Variants in CLIP4 observed in about 807,000 individuals in gnomAD.
CLIP4 encodes CAP-Gly domain-containing linker protein 4.
Under a neutral mutation model 73.1 loss-of-function variants are expected in CLIP4, and 47 were observed. The ratio of observed to expected loss-of-function variants is 0.64; its 90% CI spans 0.51 to 0.82. CLIP4 has a LOEUF of 0.82. Among genes scored for constraint, CLIP4 ranks in the 40% least tolerant of loss-of-function variants. The pLI, the probability that CLIP4 is intolerant of heterozygous loss-of-function variation, is 0.00. For synonymous variants in CLIP4, 306 were observed against 295.4 expected (o/e 1.04, Z -0.37); for missense variants, 874 against 852.9 (o/e 1.02, Z -0.31).
chr2:29,131,205 T>A, intron 2 of CLIP4, 53 bp from the exon 3 acceptor site: 3 of 1,347,408 alleles, frequency 2.2e-6, no homozygotes, highest in Non-Finnish European at 3.1e-6. Context: ...TTATTTTCAA[T>A]ATATTTATTT....
rs1171556970 is a variant in CLIP4 at position 29,167,559 on chromosome 2, G to A, written c.1723+19G>A. The A allele has an allele frequency of 2.6e-6, 4 of 1,562,094 alleles. No individual in the cohort carries two copies. The highest frequency in any genetic ancestry group is 3.5e-6 in the Non-Finnish European group (4 of 1,151,492). ...TATCCTGGTAAGACTACACAGTTTT[G>A]TGTTCCTAATCAATATTTCTTTGCT... On this transcript the variant is annotated intron_variant, in intron 14 of 15. Transcript: ENST00000320081.
chr2:29,118,224 A>G (rs1443101491), intron 1 of CLIP4: 1 of 152,214 alleles, frequency 6.6e-6, no homozygotes, highest in Non-Finnish European at 1.5e-5. Context: ...TCAAATCTGA[A>G]GTCTCCTGGC....
In CLIP4 at chr2:29,131,412, C is replaced by T. The variant is rs188032968; in HGVS notation, c.273+15C>T. 2,755 of 1,581,490 alleles carry T rather than the reference C, an allele frequency of 1.7e-3. 5 individuals are homozygous for T. The highest frequency in any genetic ancestry group is 2.1e-3 in the Non-Finnish European group (2,412 of 1,169,464). ...TTGGAAATGAGGTAAGGAATTCTTA[C>T]ATTTTAAGTTTTGCATTGTTAGGAT... On this transcript the variant is annotated intron_variant, in intron 3 of 15. Transcript: ENST00000320081.
At chr2:29,133,557 C>A in intron 4 of CLIP4, 98 bp from the exon 5 acceptor site, 2 of 1,085,988 alleles carry the variant, frequency 1.8e-6, no homozygotes, top group East Asian at 2.5e-5. Flanking sequence ...CTATACAGTG[C>A]ACTGTTTGCT....
At chr2:29,131,431 T>C (rs776334545) in intron 3 of CLIP4, 34 bp downstream of exon 3, 2 of 1,569,900 alleles carry the variant, frequency 1.3e-6, no homozygotes, top group South Asian at 2.4e-5. Flanking sequence ...TTTTGCATTG[T>C]TAGGATTGTT....
intron 11 of CLIP4, among the ~76,000 whole-genome samples, chr2:29,158,640 A>G (rs1415479901): frequency 1.3e-5 from 2 of 152,180 alleles, no homozygotes; most frequent in African/African-American, 4.8e-5. Flanking sequence ...CATTTGAGGG[A>G]GATGTAGACT....
At chr2:29,178,913 G>A (rs1668497254) in intron 15 of CLIP4, among the ~76,000 whole-genome samples, 1 of 152,154 alleles carries the variant, frequency 6.6e-6, no homozygotes, top group Admixed American at 6.5e-5. Flanking sequence ...TCATGCCTCA[G>A]CCTCTCGAGT....
rs137880874 is a variant in CLIP4 at position 29,144,747 on chromosome 2, G to A, written c.886-485G>A. Among the ~76,000 whole-genome samples, 651 of 150,476 alleles carry A rather than the reference G, an allele frequency of 4.3e-3. 2 individuals carry two copies. The highest frequency in any genetic ancestry group is 6.6e-3 in the Admixed American group (100 of 15,130). On this transcript the variant is annotated intron_variant, in intron 7 of 15. Transcript: ENST00000320081. ...TAATAGGGAGCTTGGTATGGAGAAT[G>A]GAACAGGGAATTCCTGCTTGGATAT...
intron 6 of CLIP4, among the ~76,000 whole-genome samples, chr2:29,136,510 C>A (rs981385164): frequency 6.6e-6 from 1 of 151,954 alleles, no homozygotes; most frequent in Non-Finnish European, 1.5e-5. Context: ...TAGATAAAGC[C>A]CTTGCCCTCA....
At chr2:29,143,087 C>A (rs1665885090) in intron 6 of CLIP4, among the ~76,000 whole-genome samples, 1 of 152,224 alleles carries the variant, frequency 6.6e-6, no homozygotes, top group South Asian at 2.1e-4. Context: ...GGGCAGGGGG[C>A]TGAGGTCACA....
intron 2 of CLIP4, among the ~76,000 whole-genome samples, chr2:29,126,757 A>G (rs1265616900): frequency 6.6e-6 from 1 of 152,220 alleles, no homozygotes; most frequent in East Asian, 1.9e-4. Context: ...AGAAACAGGC[A>G]CAAAGGTTCC....
intron 15 of CLIP4, among the ~76,000 whole-genome samples, chr2:29,180,865 C>T (rs914898875): frequency 4.7e-5 from 7 of 148,838 alleles, no homozygotes; most frequent in Non-Finnish European, 7.4e-5. Flanking sequence ...TGTGTGTACA[C>T]ATGTATATAT....
intron 14 of CLIP4, among the ~76,000 whole-genome samples, chr2:29,171,187 G>C (rs1303501654): frequency 1.3e-5 from 2 of 152,168 alleles, no homozygotes; most frequent in East Asian, 3.8e-4. Flanking sequence ...ATCAAGTTGG[G>C]AAGAACTGAC....
At chr2:29,138,526 T>C (rs1213763300) in intron 6 of CLIP4, among the ~76,000 whole-genome samples, 1 of 151,698 alleles carries the variant, frequency 6.6e-6, no homozygotes, top group African/African-American at 2.4e-5. Flanking sequence ...TTTAGAACAG[T>C]TTTTTCTAAT....
At chr2:29,174,774 A>T in intron 15 of CLIP4, 4 of 609,118 alleles carry the variant, frequency 6.6e-6, no homozygotes, top group Non-Finnish European at 8.3e-6. Flanking sequence ...GTAATGAGAG[A>T]TTTGATTTAA....
At chr2:29,103,872 C>G (rs931629834) in intron 1 of CLIP4, among the ~76,000 whole-genome samples, 1 of 151,956 alleles carries the variant, frequency 6.6e-6, no homozygotes, top group African/African-American at 2.4e-5. Flanking sequence ...CGCCACCATG[C>G]CCAGTTAATT....
chr2:29,173,021 G>C (rs939101193), intron 14 of CLIP4, among the ~76,000 whole-genome samples: 1 of 151,980 alleles, frequency 6.6e-6, no homozygotes, highest in Admixed American at 6.6e-5. Flanking sequence ...GCCTTTGTGA[G>C]TCTGATTCTG....
rs781563201 is a variant in CLIP4 at position 29,160,372 on chromosome 2, G to T, written c.1439G>T (p.Arg480Leu). The T allele has an allele frequency of 1.2e-6, 2 of 1,614,072 alleles. No individual in the cohort carries two copies. Among genetic ancestry groups the T allele is most frequent in the Non-Finnish European group, 1.7e-6 (2 of 1,180,004 alleles). ...GCAACATCTACAGCAAATAATAGCC[G>T]TTGCGAGGGGGAACTCCGCCTCGGA... ...SSATSTANNS[R>L]CEGELRLGER... Residue 480 changes from arginine (R) to leucine (L), a missense_variant, in exon 12 of 16, where the codon CGT becomes CTT. Coordinates refer to ENST00000320081, the MANE Select transcript of CLIP4 (RefSeq NM_024692.6).
chr2:29,177,863 C>CA (rs1668433765), intron 15 of CLIP4, among the ~76,000 whole-genome samples: 2 of 152,152 alleles, frequency 1.3e-5, no homozygotes, highest in African/African-American at 4.8e-5. Flanking sequence ...AATGAGTAAA[C>CA]AGAGCTCTCA....
Sources: gnomAD v4.1 joint callset for allele counts (sites outside exome capture counted in the v4.1 genomes callset) on GRCh38, gnomAD v4.1.1 for gene constraint, MANE v1.5 for transcripts, NCBI Gene and HGNC (gene_info 2026-07-23, HGNC 2026-07-21) for gene names.